COMMD1: variants seen among roughly 807,000 people sequenced by gnomAD.
COMMD1 encodes copper metabolism domain containing 1, also known as COMM domain-containing protein 1.
Under a neutral mutation model 17.2 loss-of-function variants are expected in COMMD1, and 10 were observed. The ratio of observed to expected loss-of-function variants is 0.58; its 90% CI spans 0.36 to 0.99. The LOEUF (loss-of-function observed/expected upper bound fraction) is 0.99. Among genes scored for constraint, COMMD1 ranks in the 50% least tolerant of loss-of-function variants. The pLI is 0.01. For missense variants in COMMD1, 270 were observed against 231.8 expected, an observed-to-expected ratio of 1.17 and a Z score of -1.07; for synonymous variants, 97 against 91.6, an observed-to-expected ratio of 1.06 and a Z score of -0.34.
chr2:61,910,227 T>C (rs548467751), intron 1 of COMMD1, among the ~76,000 whole-genome samples: 85 of 151,814 alleles, frequency 5.6e-4, no homozygotes, highest in African/African-American at 2.0e-3. Flanking sequence ...ATATAAAATA[T>C]ATAAAAGGCA....
At chr2:62,101,690 C>A (rs1215383749) in intron 2 of COMMD1, among the ~76,000 whole-genome samples, 3 of 151,936 alleles carry the variant, frequency 2.0e-5, no homozygotes, top group Non-Finnish European at 4.4e-5. Flanking sequence ...TCTCATGATC[C>A]CTACCCCCCA....
chr2:62,048,327 C>T (rs1185888069), intron 2 of COMMD1, among the ~76,000 whole-genome samples: 4 of 151,808 alleles, frequency 2.6e-5, no homozygotes, highest in Admixed American at 2.0e-4. Flanking sequence ...GGACTATAGG[C>T]GCCCGCCACC....
At chr2:62,026,397 A>G (rs1669758437) in intron 2 of COMMD1, among the ~76,000 whole-genome samples, 1 of 152,128 alleles carries the variant, frequency 6.6e-6, no homozygotes. Context: ...GGTGCCACAC[A>G]CTTTTAAATG....
intron 2 of COMMD1, among the ~76,000 whole-genome samples, chr2:62,003,723 C>T (rs1669032587): frequency 6.6e-6 from 1 of 151,910 alleles, no homozygotes; most frequent in Admixed American, 6.6e-5. Flanking sequence ...TAGTTTTCAT[C>T]CTGCCAGCAG....
At chr2:62,116,528 CG>C (rs757462972) in intron 2 of COMMD1, among the ~76,000 whole-genome samples, 43 of 151,752 alleles carry the variant, frequency 2.8e-4, no homozygotes, top group Non-Finnish European at 5.6e-4. Flanking sequence ...CCGAATTAGT[CG>C]GGCGTGGAGG....
intron 1 of COMMD1, among the ~76,000 whole-genome samples, chr2:61,909,179 C>T (rs1012922187): frequency 6.6e-6 from 1 of 152,092 alleles, no homozygotes; most frequent in African/African-American, 2.4e-5. Context: ...CTGCCCGCCT[C>T]GGCCTCCCAA....
chr2:62,025,385 C>G (rs1003191978), intron 2 of COMMD1, among the ~76,000 whole-genome samples: 4 of 151,986 alleles, frequency 2.6e-5, no homozygotes, highest in Non-Finnish European at 5.9e-5. Flanking sequence ...AAAAGGTTAG[C>G]TGAACATGGT....
intron 2 of COMMD1, among the ~76,000 whole-genome samples, chr2:62,086,470 C>T (rs1671671833): frequency 6.7e-6 from 1 of 148,166 alleles, no homozygotes; most frequent in East Asian, 2.0e-4. Flanking sequence ...GAGATCGCGC[C>T]ACTGCACTCC....
chr2:61,975,118 C>CTTTTTTTTTTTTTTTTTTTTTT, intron 1 of COMMD1, among the ~76,000 whole-genome samples: 11 of 80,168 alleles, frequency 1.4e-4, no homozygotes, highest in South Asian at 5.0e-4. Context: ...TCATTTCTTT[C>CTTTTTTTTTTTTTTTTTTTTTT]TTTTTTTTTT....
intron 2 of COMMD1, among the ~76,000 whole-genome samples, chr2:62,055,847 A>G (rs994517688): frequency 2.0e-5 from 3 of 152,218 alleles, no homozygotes; most frequent in African/African-American, 7.2e-5. Context: ...TTGAGGCACA[A>G]TTGATAGAGA....
chr2:61,956,275 T>G (rs1010454609), intron 1 of COMMD1, among the ~76,000 whole-genome samples: 3 of 152,236 alleles, frequency 2.0e-5, no homozygotes, highest in Non-Finnish European at 4.4e-5. Flanking sequence ...GAAAATCAGT[T>G]GGTTGTTTAT....
chr2:62,004,243 A>C (rs887748430), intron 2 of COMMD1, among the ~76,000 whole-genome samples: 7 of 152,224 alleles, frequency 4.6e-5, no homozygotes, highest in Admixed American at 2.0e-4. Context: ...CATACTTCAA[A>C]GTAGTAAAGA....
intron 1 of COMMD1, among the ~76,000 whole-genome samples, chr2:61,924,992 C>G (rs1438933360): frequency 1.3e-5 from 2 of 152,136 alleles, no homozygotes; most frequent in African/African-American, 4.8e-5. Context: ...AGTGCTGGGT[C>G]TTTCAGAAAT....
chr2:61,953,973 A>C lies in COMMD1; in HGVS notation c.181-46728A>C, dbSNP rs911468471. Among the ~76,000 whole-genome samples the C allele has an allele frequency of 3.3e-5, 5 of 152,218 alleles. No homozygotes were observed. In the East Asian group the frequency reaches 7.7e-4, roughly 24 times the overall value. ...GGTGGCTCATGCCTGTAATCCCAGC[A>C]CTTTGGGAGGCTAAGGTGGGCGAAT... On this transcript the variant is annotated intron_variant, in intron 1 of 2. Transcript: ENST00000311832.
rs570425803 is a variant in COMMD1 at position 61,938,983 on chromosome 2, A to G, written c.180+33125A>G. Among the ~76,000 whole-genome samples, 9 of 152,270 alleles carry G rather than the reference A, an allele frequency of 5.9e-5. No individual in the cohort carries two copies. The East Asian group carries it at 1.5e-3, about 26-fold the overall frequency. On this transcript the variant is annotated intron_variant, in intron 1 of 2. Transcript: ENST00000311832. Reference sequence around the variant, plus strand: ...TAGCCAAGAAATAATTCATAATTCAATCTATACTCAAAAAAACAAAAGTTA... The same window carrying G: ...TAGCCAAGAAATAATTCATAATTCAGTCTATACTCAAAAAAACAAAAGTTA...
intron 1 of COMMD1, among the ~76,000 whole-genome samples, chr2:61,960,689 A>G (rs1671318216): frequency 6.6e-6 from 1 of 152,012 alleles, no homozygotes; most frequent in South Asian, 2.1e-4. Context: ...GGGCTTTCCT[A>G]TTTTCCCAAG....
At chr2:61,939,581 C>G (rs1221608243) in intron 1 of COMMD1, among the ~76,000 whole-genome samples, 3 of 151,984 alleles carry the variant, frequency 2.0e-5, no homozygotes, top group South Asian at 4.2e-4. Context: ...GGTAAAATAA[C>G]CAGTGTCTCC....
chr2:61,956,772 G>A (rs1014146146), intron 1 of COMMD1, among the ~76,000 whole-genome samples: 1 of 151,308 alleles, frequency 6.6e-6, no homozygotes, highest in African/African-American at 2.4e-5. Context: ...TGTTTTTTGC[G>A]ATGGGGTCTC....
intron 2 of COMMD1, among the ~76,000 whole-genome samples, chr2:62,043,856 T>A (rs1268643488): frequency 6.6e-6 from 1 of 152,214 alleles, no homozygotes; most frequent in Non-Finnish European, 1.5e-5. Context: ...GTATGTGTAT[T>A]TCATTCTTTC....
Sources: allele counts gnomAD v4.1 joint callset (sites outside exome capture counted in the v4.1 genomes callset), GRCh38; gene constraint gnomAD v4.1.1; transcripts MANE v1.5; gene names NCBI Gene and HGNC (gene_info 2026-07-23, HGNC 2026-07-21).